Variants in ZFHX3 observed in about 807,000 individuals in gnomAD.
The protein encoded by ZFHX3 is zinc finger homeobox 3.
A neutral mutation model predicts 279.1 loss-of-function variants in ZFHX3; 42 were observed. That is an observed-to-expected ratio of 0.15 (90% CI 0.12 to 0.19). The LOEUF is 0.19. Among genes scored for constraint, ZFHX3 ranks in the 10% least tolerant of loss-of-function variants. ZFHX3 has a pLI of 1.00. For missense variants in ZFHX3, 4,981 were observed against 4,754.0 expected, an observed-to-expected ratio of 1.05 and a Z score of -1.40; for synonymous variants, 2,293 against 1,957.8, an observed-to-expected ratio of 1.17 and a Z score of -4.52.
intron 1 of ZFHX3, chr16:73,809,334 T>C (rs1389310293): frequency 6.6e-6 from 1 of 152,106 alleles, no homozygotes; most frequent in Non-Finnish European, 1.5e-5. Context: ...GCAATGAAAA[T>C]GCACCTGACC....
chr16:73,014,898 G>A (rs1375051783), intron 1 of ZFHX3: 1 of 152,102 alleles, frequency 6.6e-6, no homozygotes, highest in Non-Finnish European at 1.5e-5. Flanking sequence ...CACAGAAGCA[G>A]GGGTGTCCCT....
chr16:73,566,897 C>G (rs1306172652), intron 2 of ZFHX3, among the ~76,000 whole-genome samples: 5 of 152,134 alleles, frequency 3.3e-5, no homozygotes, highest in African/African-American at 1.2e-4. Flanking sequence ...CGGGGTTTCT[C>G]CATGTTGGTC....
At chr16:73,002,157 C>T (rs559874532) in intron 1 of ZFHX3, among the ~76,000 whole-genome samples, 5 of 152,264 alleles carry the variant, frequency 3.3e-5, no homozygotes, top group South Asian at 2.1e-4. Flanking sequence ...CATAAAGTAA[C>T]GGACATGGAA....
chr16:73,374,360 ATTCAAGGCCAGGCTTGGTCATTG>A (rs560917475), intron 3 of ZFHX3, among the ~76,000 whole-genome samples: 128 of 31,128 alleles, frequency 4.1e-3, no homozygotes, highest in Middle Eastern at 0.018. Context: ...GTCATCGGCC[ATTCAAGGCCAGGCTTGGTCATTG>A]GCCATTCAAG....
chr16:73,094,030 G>A (rs980051397), intron 7 of ZFHX3, among the ~76,000 whole-genome samples: 6 of 152,130 alleles, frequency 3.9e-5, no homozygotes, highest in South Asian at 2.1e-4. Flanking sequence ...AGGCAGGATG[G>A]GGTGAGGGAA....
chr16:72,956,832 A>C (rs1280044557), intron 2 of ZFHX3, among the ~76,000 whole-genome samples: 2 of 7,194 alleles, frequency 2.8e-4, no homozygotes, highest in South Asian at 2.4e-3. Flanking sequence ...AAAAATAAGC[A>C]AAAAAAAAAA....
intron 3 of ZFHX3, among the ~76,000 whole-genome samples, chr16:73,342,712 C>G (rs1234384176): frequency 6.6e-6 from 1 of 152,122 alleles, no homozygotes; most frequent in African/African-American, 2.4e-5. Flanking sequence ...TGGGTAGGTA[C>G]AGGTGGGAGG....
chr16:73,680,325 G>A (rs934590846), intron 1 of ZFHX3: 3 of 152,092 alleles, frequency 2.0e-5, no homozygotes, highest in Non-Finnish European at 4.4e-5. Context: ...AAATGGTAAC[G>A]TGTGTGCTTG....
At chr16:73,702,043 G>C (rs2053253507) in intron 1 of ZFHX3, among the ~76,000 whole-genome samples, 1 of 152,116 alleles carries the variant, frequency 6.6e-6, no homozygotes, top group East Asian at 1.9e-4. Flanking sequence ...TTCAAACCAT[G>C]GTTAGAAATG....
chr16:72,864,057 C>T (rs1262482846), intron 4 of ZFHX3, among the ~76,000 whole-genome samples: 2 of 151,954 alleles, frequency 1.3e-5, no homozygotes, highest in Non-Finnish European at 2.9e-5. Flanking sequence ...GCAGAGCTTG[C>T]AGTGAGCCGA....
chr16:73,143,968 G>T (rs1966854215), intron 5 of ZFHX3: 3 of 370,648 alleles, frequency 8.1e-6, no homozygotes, highest in Non-Finnish European at 1.6e-5. Context: ...TAGGGTGAGG[G>T]TTTATTCAAG....
intron 3 of ZFHX3, among the ~76,000 whole-genome samples, chr16:73,418,885 T>C (rs757900471): frequency 1.3e-5 from 2 of 152,220 alleles, no homozygotes; most frequent in South Asian, 2.1e-4. Flanking sequence ...ATTTCTGTGG[T>C]AATAATGACC....
rs780604377 is a variant in ZFHX3, at chr16:72,787,297, T to A, written c.10979A>T (p.Tyr3660Phe). 6.2e-7 allele frequency: 1 copy of A among 1,613,920 alleles called. No individual in the cohort carries two copies. The highest frequency in any genetic ancestry group is 1.3e-5 in the African/African-American group (1 of 74,876). Reference sequence around the variant, plus strand: ...GAGATCCGTGTCAGACTCCTCCGAATAGTCGTCTGTTGGCATCGAGGGCTG... The same window carrying A: ...GAGATCCGTGTCAGACTCCTCCGAAAAGTCGTCTGTTGGCATCGAGGGCTG... ...GVQPSMPTDD[Y>F]SEESDTDLSQ... The change falls in exon 10 of 10, where the codon TAT becomes TTT. Residue 3660 changes from tyrosine (Y) to phenylalanine (F), a missense_variant. Physicochemically the swap from Tyr to Phe is conservative, Grantham distance 22. Around this residue, in one of 7 missense-constraint regions of ZFHX3, gnomAD observed 1,034 missense variants for 786.0 expected, o/e 1.32. Coordinates refer to ENST00000268489, the MANE Select transcript of ZFHX3 (RefSeq NM_006885.4).
intron 3 of ZFHX3, among the ~76,000 whole-genome samples, chr16:72,897,704 G>T (rs1444236181): frequency 6.6e-6 from 1 of 152,134 alleles, no homozygotes; most frequent in Admixed American, 6.5e-5. Flanking sequence ...GCCTCCCAAA[G>T]TGCTAGGATT....
At chr16:73,761,820 AC>A (rs1420264572) in intron 1 of ZFHX3, among the ~76,000 whole-genome samples, 1 of 152,194 alleles carries the variant, frequency 6.6e-6, no homozygotes, top group African/African-American at 2.4e-5. Flanking sequence ...TATGCCTTGT[AC>A]AAAAATTAAC....
intron 1 of ZFHX3, among the ~76,000 whole-genome samples, chr16:73,692,273 T>G (rs1458777060): frequency 1.3e-5 from 2 of 152,200 alleles, no homozygotes; most frequent in African/African-American, 4.8e-5. Context: ...AAGTCTCTCC[T>G]GAATGAAACT....
chr16:73,583,967 A>T (rs573777183), intron 2 of ZFHX3, among the ~76,000 whole-genome samples: 1 of 152,238 alleles, frequency 6.6e-6, no homozygotes, highest in Non-Finnish European at 1.5e-5. Context: ...GGGCAAATAA[A>T]AAATAAATAG....
chr16:73,448,685 C>T (rs74028656), intron 3 of ZFHX3, among the ~76,000 whole-genome samples: 3,960 of 142,136 alleles, frequency 0.028, 164 homozygotes, highest in African/African-American at 0.095. Context: ...TATTTATATA[C>T]GTGTGTGTGT....
intron 1 of ZFHX3, among the ~76,000 whole-genome samples, chr16:73,810,815 C>T (rs1164271571): frequency 6.6e-6 from 1 of 152,104 alleles, no homozygotes; most frequent in African/African-American, 2.4e-5. Flanking sequence ...CTGAGCTTGT[C>T]TATCTGTAAA....
Sources: allele counts gnomAD v4.1 joint callset (sites outside exome capture counted in the v4.1 genomes callset), GRCh38; gene constraint gnomAD v4.1.1; regional missense constraint gnomAD v4.1.1; transcripts MANE v1.5; gene names NCBI Gene and HGNC (gene_info 2026-07-23, HGNC 2026-07-21).